Variants in KRT86 observed in about 807,000 individuals in gnomAD.
KRT86 encodes keratin 86.
In KRT86, 30 loss-of-function variants were observed where a neutral mutation model predicts 41.2. The observed-to-expected ratio is 0.73, with a 90% CI of 0.54 to 0.99. KRT86 has a LOEUF of 0.99. Among genes scored for constraint, KRT86 ranks in the 50% least tolerant of loss-of-function variants. The probability of loss-of-function intolerance (pLI) is 0.00; values close to 1 mark genes in which losing one functional copy is unlikely to be tolerated. For synonymous variants in KRT86, 238 were observed against 238.1 expected, an observed-to-expected ratio of 1.00 and a Z score of 0.00; for missense variants, 561 against 571.4, an observed-to-expected ratio of 0.98 and a Z score of 0.19.
At chr12:52,278,324 A>T (rs753739797) in intron 2 of KRT86, among the ~76,000 whole-genome samples, 1 of 152,146 alleles carries the variant, frequency 6.6e-6, no homozygotes, top group Non-Finnish European at 1.5e-5. Flanking sequence ...AGCTTTAGGG[A>T]CACACACTAG....
In KRT86 at chr12:52,287,618, T is replaced by G; in HGVS notation, c.-5+11672T>G. The G allele has an allele frequency of 2.5e-6, 4 of 1,613,948 alleles. 1 individual carries two copies. In the South Asian group the frequency reaches 4.4e-5, roughly 18 times the overall value. On this transcript the variant is annotated intron_variant, in intron 2 of 10. Transcript: ENST00000423955. ...TACCTGGCACTTGGCATTCTCCACC[T>G]CGGCCGTCAGCCTTTGGATCATGCG...
chr12:52,294,504 G>A (rs1261388811), intron 2 of KRT86, among the ~76,000 whole-genome samples: 2 of 151,994 alleles, frequency 1.3e-5, no homozygotes, highest in African/African-American at 4.8e-5. Flanking sequence ...AAGGTGGCAG[G>A]GAGGAGGGGA....
intron 2 of KRT86, chr12:52,287,839 C>T: frequency 1.2e-6 from 2 of 1,603,946 alleles, no homozygotes; most frequent in South Asian, 1.1e-5. Flanking sequence ...CATGGCAGTC[C>T]TGCCCTGCCA....
intron 2 of KRT86, chr12:52,287,805 C>A (rs1374092580): frequency 4.0e-5 from 64 of 1,611,926 alleles, no homozygotes; most frequent in Non-Finnish European, 5.4e-5. Flanking sequence ...GCAGGTTGTA[C>A]AGTGCTCAGC....
chr12:52,308,701 A>G lies in KRT86; in HGVS notation c.*116A>G. On this transcript the variant is annotated 3_prime_UTR_variant, in exon 11 of 11. Transcript: ENST00000423955. The stretch of plus-strand genomic sequence containing the variant: ...CCAATAGCCGCCGCCCGCTGCCTGC[A>G]CTCTAAGCGCCCTCCCCACCGCTCC... 1 of 1,014,430 alleles carries G rather than the reference A, an allele frequency of 9.9e-7. No individual in the cohort carries two copies. The allele number at this position is 1,014,430 out of a possible 1,614,324, so 62.8% of individuals were successfully genotyped here. A position where few individuals can be genotyped will look rare whatever the true frequency, so the allele number is the denominator to read the frequency against.
intron 7 of KRT86, 21 bp downstream of exon 7, chr12:52,305,425 G>A (rs1437314886): frequency 6.2e-7 from 1 of 1,614,092 alleles, no homozygotes; most frequent in Admixed American, 1.7e-5. Context: ...CAGGACACCT[G>A]CCTGCTAGAC....
chr12:52,304,472 A>ATG lies in KRT86; in HGVS notation c.639+301_639+302insTG, dbSNP rs1565748926. Among the ~76,000 whole-genome samples, 624 of 143,408 alleles carry ATG rather than the reference A, an allele frequency of 4.4e-3. 2 individuals carry two copies. The highest frequency in any genetic ancestry group is 0.016 in the African/African-American group (587 of 36,126). 94.1% of individuals were successfully genotyped at this position (143,408 alleles called of 152,430 possible). On this transcript the variant is annotated intron_variant, in intron 5 of 10. Transcript: ENST00000423955. ...TGAGGCCCCTGGAGCCATAGCAGAT[A>ATG]CAATGTCTCTGCTGAGAGACAGTGC...
At position 52,308,856 on chromosome 12, in the gene KRT86, G is replaced by GTTT. The variant is rs111847567; in HGVS notation, c.*277_*279dup. The GTTT allele has an allele frequency of 6.2e-3, 2,949 of 473,364 alleles. No homozygotes were observed. Among genetic ancestry groups the GTTT allele is most frequent in the South Asian group, 9.4e-3 (405 of 43,234 alleles). 29.3% of individuals were successfully genotyped at this position (473,364 alleles called of 1,614,324 possible). Reference sequence around the variant, plus strand: ...CATCTTTTTCTTCCGCCTGCCTTCTGTTTTTTTTGCTGTATACATTGGTCT... The same window carrying GTTT: ...CATCTTTTTCTTCCGCCTGCCTTCTGTTTTTTTTTTTGCTGTATACATTGGTCT... On this transcript the variant is annotated 3_prime_UTR_variant, in exon 11 of 11. Coordinates refer to ENST00000423955, the MANE Select transcript of KRT86 (RefSeq NM_001320198.2).
intron 2 of KRT86, among the ~76,000 whole-genome samples, chr12:52,297,725 T>C (rs575711175): frequency 6.6e-6 from 1 of 152,354 alleles, no homozygotes; most frequent in South Asian, 2.1e-4. Flanking sequence ...AGTGTCTTTC[T>C]TTTACTTAAA....
intron 2 of KRT86, among the ~76,000 whole-genome samples, chr12:52,297,034 AG>A (rs1302127993): frequency 6.6e-6 from 1 of 152,174 alleles, no homozygotes; most frequent in Admixed American, 6.5e-5. Context: ...CACTCCTGCA[AG>A]GGCCCACAGG....
intron 9 of KRT86, chr12:52,306,496 A>G: frequency 1.4e-6 from 1 of 718,424 alleles, no homozygotes; most frequent in Non-Finnish European, 2.3e-6. Context: ...TGTTCATCTC[A>G]GTTGAGATCC....
chr12:52,306,537 G>A (rs1938523705), intron 9 of KRT86: 1 of 620,922 alleles, frequency 1.6e-6, no homozygotes, highest in African/African-American at 1.8e-5. Context: ...TCCTGTTACT[G>A]AGAAGCCTAA....
chr12:52,286,476 C>T, intron 2 of KRT86: 1 of 1,552,460 alleles, frequency 6.4e-7, no homozygotes, highest in Non-Finnish European at 8.7e-7. Context: ...ACGACCCCGC[C>T]CCGGGAGCTG....
chr12:52,296,439 C>G (rs554228442), intron 2 of KRT86, among the ~76,000 whole-genome samples: 1 of 152,270 alleles, frequency 6.6e-6, no homozygotes, highest in South Asian at 2.1e-4. Flanking sequence ...GTAATGAACC[C>G]TCACAGGGCA....
At chr12:52,295,708 C>T (rs937558151) in intron 2 of KRT86, among the ~76,000 whole-genome samples, 1 of 152,112 alleles carries the variant, frequency 6.6e-6, no homozygotes, top group South Asian at 2.1e-4. Flanking sequence ...ATGTTTTCTT[C>T]GTGGATATAT....
intron 5 of KRT86, 125 bp from the exon 6 acceptor site, chr12:52,304,807 G>A: frequency 9.4e-7 from 1 of 1,060,988 alleles, no homozygotes; most frequent in Non-Finnish European, 1.5e-6. Context: ...AAGGGAAGGA[G>A]AGGGCATGGG....
chr12:52,305,065 G>A lies in KRT86; in HGVS notation c.735+38G>A, dbSNP rs910052463. The A allele has an allele frequency of 3.1e-6, 5 of 1,612,394 alleles. No homozygotes were observed. The African/African-American group carries it at 5.4e-5, about 17-fold the overall frequency. Reference sequence around the variant, plus strand: ...GGGCCAGGCAGAGACCTGGCAGCCAGCAGAGAGGAGAGATGGGGGTGGGAG... The same window carrying A: ...GGGCCAGGCAGAGACCTGGCAGCCAACAGAGAGGAGAGATGGGGGTGGGAG... On this transcript the variant is annotated intron_variant, in intron 6 of 10. Transcript: ENST00000423955.
chr12:52,304,817 G>C (rs1938464335), intron 5 of KRT86, 115 bp from the exon 6 acceptor site: 1 of 1,153,572 alleles, frequency 8.7e-7, no homozygotes, highest in Non-Finnish European at 1.3e-6. Flanking sequence ...GAGGGCATGG[G>C]AATGAGACAC....
rs1938526425 is a variant in KRT86 at position 52,306,608 on chromosome 12, T to A, written c.1247+328T>A. The A allele has an allele frequency of 6.2e-6, 3 of 481,056 alleles. No homozygotes were observed. In the South Asian group the frequency reaches 6.8e-5, roughly 11 times the overall value. The allele number at this position is 481,056 out of a possible 1,614,324, so 29.8% of individuals were successfully genotyped here. ...CTTCCCTTCCAGCTGTAGCTGCATG[T>A]GCTTCTCAGGATTCCTTCTCTTTTT... On this transcript the variant is annotated intron_variant, in intron 9 of 10. Coordinates refer to ENST00000423955, the MANE Select transcript of KRT86 (RefSeq NM_001320198.2).
Sources: allele counts gnomAD v4.1 joint callset (sites outside exome capture counted in the v4.1 genomes callset), GRCh38; gene constraint gnomAD v4.1.1; transcripts MANE v1.5; gene names NCBI Gene and HGNC (gene_info 2026-07-23, HGNC 2026-07-21).